Variants in ASZ1 observed in about 807,000 individuals in gnomAD.
ASZ1 encodes ankyrin repeat, SAM and basic leucine zipper domain containing 1.
Under a neutral mutation model 61.8 loss-of-function variants are expected in ASZ1, and 67 were observed. The observed-to-expected ratio is 1.08, with a 90% CI of 0.89 to 1.33. ASZ1 has a LOEUF of 1.33. Ranked by LOEUF, ASZ1 falls within the 40% of genes most tolerant of loss-of-function variation. The pLI is 0.00. For missense variants in ASZ1, 577 were observed against 554.5 expected (o/e 1.04, Z -0.41); for synonymous variants, 193 against 192.7 (o/e 1.00, Z -0.01).
chr7:117,425,843 A>G (rs1363787310), intron 2 of ASZ1, among the ~76,000 whole-genome samples: 1 of 151,890 alleles, frequency 6.6e-6, no homozygotes, highest in Non-Finnish European at 1.5e-5. Context: ...TACCAAAATT[A>G]GCTGGGCTTG....
intron 4 of ASZ1, among the ~76,000 whole-genome samples, chr7:117,416,706 T>A (rs967247504): frequency 5.9e-5 from 9 of 152,190 alleles, no homozygotes; most frequent in African/African-American, 1.9e-4. Flanking sequence ...AATGTATGCA[T>A]TTATCAAAAC....
chr7:117,416,511 A>G (rs1796995048), intron 4 of ASZ1, among the ~76,000 whole-genome samples: 1 of 152,234 alleles, frequency 6.6e-6, no homozygotes, highest in African/African-American at 2.4e-5. Context: ...CTTAAAATTT[A>G]TTATATTCAG....
Position 117,368,662 on chromosome 7 carries a change from T to C in ASZ1, c.1111A>G (p.Ile371Val). 3.1e-6 allele frequency: 5 copies of C among 1,612,970 alleles called. No homozygotes were observed. The change falls in exon 11 of 13, where the codon ATA (isoleucine) becomes GTA (valine). Residue 371 changes from isoleucine (I) to valine (V), a missense_variant. By Grantham distance (29) the Ile-to-Val change is conservative. Transcript: ENST00000284629. ...LKLNKQCGHL[I>V]TAVQNVITEL... ...GTAATAACATTCTGTACAGCTGTTA[T>C]TAAATGGCCACACTGTTTATTTAAT... is the stretch of plus-strand genomic sequence containing the variant.
intron 6 of ASZ1, 32 bp downstream of exon 6, chr7:117,384,694 A>T (rs761924841): frequency 3.2e-6 from 5 of 1,578,510 alleles, no homozygotes; most frequent in Non-Finnish European, 4.3e-6. Context: ...GATATGCCAC[A>T]GAAAATAAGT....
intron 4 of ASZ1, among the ~76,000 whole-genome samples, chr7:117,410,948 A>G (rs1165285644): frequency 3.3e-5 from 5 of 151,760 alleles, no homozygotes; most frequent in Non-Finnish European, 7.4e-5. Flanking sequence ...TAACATTATT[A>G]TAATCAATAA....
chr7:117,406,958 A>G (rs558502181), intron 4 of ASZ1, among the ~76,000 whole-genome samples: 24 of 152,308 alleles, frequency 1.6e-4, no homozygotes, highest in African/African-American at 5.3e-4. Flanking sequence ...ATAATAAAAG[A>G]ACGAATAACT....
chr7:117,370,179 T>C (rs1796021214), intron 10 of ASZ1, among the ~76,000 whole-genome samples: 1 of 152,174 alleles, frequency 6.6e-6, no homozygotes, highest in Non-Finnish European at 1.5e-5. Context: ...AAAAAATACA[T>C]CTTTATTTTC....
chr7:117,377,967 G>A (rs79141937), intron 10 of ASZ1, among the ~76,000 whole-genome samples: 3,462 of 151,854 alleles, frequency 0.023, 131 homozygotes, highest in African/African-American at 0.08. Context: ...ATAGTGCTGG[G>A]GCAATTATCT....
chr7:117,404,022 G>C (rs931356259), intron 4 of ASZ1, among the ~76,000 whole-genome samples: 3 of 152,148 alleles, frequency 2.0e-5, no homozygotes, highest in African/African-American at 7.2e-5. Flanking sequence ...CCTGCCCCTA[G>C]TCTTAGGAAA....
intron 4 of ASZ1, among the ~76,000 whole-genome samples, chr7:117,392,888 C>T (rs1218037097): frequency 6.6e-6 from 1 of 150,402 alleles, no homozygotes; most frequent in Non-Finnish European, 1.5e-5. Context: ...ACTCTGTTGC[C>T]CAGGCTGGAG....
At chr7:117,408,236 A>G (rs567023104) in intron 4 of ASZ1, among the ~76,000 whole-genome samples, 7 of 152,262 alleles carry the variant, frequency 4.6e-5, no homozygotes, top group African/African-American at 1.7e-4. Flanking sequence ...TCTCATTAGT[A>G]TGAGATGTCT....
chr7:117,417,882 A>C (rs2116531022), intron 4 of ASZ1, among the ~76,000 whole-genome samples: 1 of 152,314 alleles, frequency 6.6e-6, no homozygotes, highest in South Asian at 2.1e-4. Flanking sequence ...GCTCTTTCAA[A>C]TTCATCTGCT....
chr7:117,422,836 A>G (rs957931660), intron 2 of ASZ1, among the ~76,000 whole-genome samples: 1 of 152,206 alleles, frequency 6.6e-6, no homozygotes, highest in Non-Finnish European at 1.5e-5. Context: ...AGCTAAAAAG[A>G]CAGGTTAAGG....
intron 10 of ASZ1, among the ~76,000 whole-genome samples, chr7:117,375,231 G>A (rs540956403): frequency 3.3e-5 from 5 of 152,074 alleles, no homozygotes; most frequent in Non-Finnish European, 7.4e-5. Context: ...GCCTTACAGG[G>A]TTTGTATTCT....
Position 117,367,420 on chromosome 7 carries a change from C to A in ASZ1, c.1207G>T (p.Glu403Ter). Residue 403 changes from glutamate (E) to a stop codon, truncating the protein, a stop_gained, in exon 12 of 13, where the codon GAA becomes TAA. Transcript: ENST00000284629. LOFTEE classifies it high-confidence loss of function. ...ASPQNFTSVC[E>*]ELVNNVEDLS... ...TCTTCAACATTATTAACCAATTCTT[C>A]ACAAACTGAAGTAAAATTCTGGGGA... is the stretch of plus-strand genomic sequence containing the variant. The A allele has an allele frequency of 6.4e-7, 1 of 1,565,018 alleles. No homozygotes were observed. The highest frequency in any genetic ancestry group is 1.4e-5 in the African/African-American group (1 of 72,762).
intron 10 of ASZ1, among the ~76,000 whole-genome samples, chr7:117,374,670 C>A (rs1796106427): frequency 1.3e-5 from 2 of 151,514 alleles, no homozygotes; most frequent in Admixed American, 1.3e-4. Context: ...CTTAAATCAA[C>A]TAAAAAAAGA....
intron 4 of ASZ1, among the ~76,000 whole-genome samples, chr7:117,417,341 C>T (rs1408763302): frequency 6.6e-6 from 1 of 152,116 alleles, no homozygotes; most frequent in Non-Finnish European, 1.5e-5. Flanking sequence ...AATGGCATTG[C>T]TCAACAAAAA....
chr7:117,392,089 G>A (rs183608886), intron 4 of ASZ1, among the ~76,000 whole-genome samples: 1 of 152,186 alleles, frequency 6.6e-6, no homozygotes, highest in Admixed American at 6.5e-5. Flanking sequence ...CACTGTGCCC[G>A]GCCTCATATG....
chr7:117,426,487 T>C (rs1370675308), intron 2 of ASZ1, among the ~76,000 whole-genome samples: 2 of 6,060 alleles, frequency 3.3e-4, no homozygotes, highest in South Asian at 4.1e-3. Context: ...AGATAACATC[T>C]CAAAAAAAAA....
Sources: allele counts gnomAD v4.1 joint callset (sites outside exome capture counted in the v4.1 genomes callset), GRCh38; gene constraint gnomAD v4.1.1; transcripts MANE v1.5; gene names NCBI Gene and HGNC (gene_info 2026-07-23, HGNC 2026-07-21).